LRTM3: variants seen among roughly 807,000 people sequenced by gnomAD.
The protein encoded by LRTM3 is leucine-rich repeat transmembrane protein 3.
At chr13:102,739,719 G>T in the LRTM3 span, 20 of 1,549,244 alleles carry the variant, frequency 1.3e-5, no homozygotes, top group East Asian at 3.7e-4. Context: ...TTCTTTCCCT[G>T]TGATATGTGT....
chr13:102,740,997 C>A, the LRTM3 span: 7 of 1,550,114 alleles, frequency 4.5e-6, no homozygotes, highest in African/African-American at 2.7e-5. Context: ...GGAATACCTA[C>A]TTCATGTGAT....
chr13:102,731,868 G>T, the LRTM3 span: 1 of 1,549,776 alleles, frequency 6.5e-7, no homozygotes, highest in Non-Finnish European at 8.7e-7. Context: ...CACTCTGTGG[G>T]TGTCAGAATG....
chr13:102,736,349 G>A, the LRTM3 span: 1 of 1,551,092 alleles, frequency 6.4e-7, no homozygotes, highest in Non-Finnish European at 8.7e-7. Context: ...TTGTGGAGGT[G>A]CTGATGTCTT....
At chr13:102,747,382 A>G in the LRTM3 span, 2 of 1,550,296 alleles carry the variant, frequency 1.3e-6, no homozygotes, top group East Asian at 4.9e-5. Context: ...TACCACATAT[A>G]TTAATATAAG....
the LRTM3 span, chr13:102,736,593 C>G: frequency 1.9e-6 from 3 of 1,551,048 alleles, no homozygotes; most frequent in South Asian, 3.6e-5. Flanking sequence ...TCAAGGAAAG[C>G]TGAAGAAGTG....
At chr13:102,744,472 A>G in the LRTM3 span, 15 of 1,550,668 alleles carry the variant, frequency 9.7e-6, no homozygotes, top group Non-Finnish European at 1.2e-5. Context: ...AAGTCTTTAG[A>G]CCTTCCATAC....
chr13:102,730,955 C>A, the LRTM3 span: 1 of 1,551,294 alleles, frequency 6.4e-7, no homozygotes, highest in African/African-American at 1.4e-5. Context: ...GGGTTTCTTT[C>A]TCTCATGAGC....
chr13:102,730,800 T>G, the LRTM3 span: 8 of 1,551,454 alleles, frequency 5.2e-6, no homozygotes, highest in African/African-American at 9.6e-5. Flanking sequence ...GGGAACGTAC[T>G]TCCAACAGGA....
At chr13:102,731,910 T>C in the LRTM3 span, 1 of 1,549,730 alleles carries the variant, frequency 6.5e-7, no homozygotes, top group South Asian at 1.2e-5. Flanking sequence ...TGCTCGATGA[T>C]ACGTAAGTCT....
At chr13:102,731,109 T>C in the LRTM3 span, 2 of 1,551,424 alleles carry the variant, frequency 1.3e-6, no homozygotes, top group Non-Finnish European at 1.7e-6. Context: ...AGCATCTCAC[T>C]AGCAGAAGTC....
chr13:102,749,771 C>T, the LRTM3 span: 1 of 1,551,256 alleles, frequency 6.4e-7, no homozygotes, highest in Non-Finnish European at 8.7e-7. Context: ...TTCATAAAGA[C>T]CTTGATTCTG....
At chr13:102,742,937 G>T in the LRTM3 span, 1 of 1,548,732 alleles carries the variant, frequency 6.5e-7, no homozygotes, top group African/African-American at 1.4e-5. Context: ...CTCCATCCTT[G>T]CGAGCCCAAC....
the LRTM3 span, chr13:102,747,487 C>A: frequency 0.12 from 187,971 of 1,549,124 alleles, 12,525 homozygotes; most frequent in African/African-American, 0.22. Flanking sequence ...TAATTTCCTG[C>A]CTTTTAAAAT....
chr13:102,733,512 C>A, the LRTM3 span: 1 of 1,551,152 alleles, frequency 6.4e-7, no homozygotes, highest in African/African-American at 1.4e-5. Flanking sequence ...GAAACTGAAG[C>A]CTTAGGACTG....
chr13:102,737,699 TC>T, the LRTM3 span: 1 of 1,550,792 alleles, frequency 6.4e-7, no homozygotes. Flanking sequence ...TTGCATGTAA[TC>T]TTTTGCTTTT....
the LRTM3 span, chr13:102,742,503 G>A: frequency 1.3e-6 from 2 of 1,550,350 alleles, no homozygotes; most frequent in Non-Finnish European, 1.7e-6. Flanking sequence ...TCAATTTGAA[G>A]TGGATGTATC....
the LRTM3 span, chr13:102,730,124 G>A: frequency 1.9e-6 from 3 of 1,549,888 alleles, no homozygotes; most frequent in East Asian, 2.4e-5. Flanking sequence ...GGACTTACAG[G>A]AAGGTGGTGT....
chr13:102,733,513 C>T, the LRTM3 span: 1 of 1,551,344 alleles, frequency 6.4e-7, no homozygotes, highest in Non-Finnish European at 8.7e-7. Flanking sequence ...AAACTGAAGC[C>T]TTAGGACTGA....
At chr13:102,746,973 A>G in the LRTM3 span, 1 of 1,551,242 alleles carries the variant, frequency 6.4e-7, no homozygotes, top group Non-Finnish European at 8.7e-7. Context: ...GTTTCTGTGA[A>G]TGGGATTGGT....
Sources: allele counts gnomAD v4.1 joint callset, GRCh38; gene constraint gnomAD v4.1.1; transcripts MANE v1.5; gene names NCBI Gene and HGNC (gene_info 2026-07-23, HGNC 2026-07-21).